TMEM26: variants seen among roughly 807,000 people sequenced by gnomAD.
TMEM26 encodes the protein transmembrane protein 26.
In TMEM26, 38 loss-of-function variants were observed where a neutral mutation model predicts 28.8. The ratio of observed to expected loss-of-function variants is 1.32; its 90% CI spans 1.02 to 1.73. The LOEUF is 1.73. Among genes scored for constraint, TMEM26 ranks in the 40% most tolerant of loss-of-function variants. The pLI is 0.00. For missense variants in TMEM26, 518 were observed against 447.1 expected, an observed-to-expected ratio of 1.16 and a Z score of -1.43; for synonymous variants, 227 against 182.9, an observed-to-expected ratio of 1.24 and a Z score of -1.95.
At chr10:61,439,406 CTTACTAAGCAAATGCTTAAATATT>C (rs1452915103) in intron 1 of TMEM26, among the ~76,000 whole-genome samples, 1 of 152,164 alleles carries the variant, frequency 6.6e-6, no homozygotes, top group African/African-American at 2.4e-5. Context: ...CAAATTAATG[CTTACTAAGCAAATGCTTAAATATT>C]TGAATGCCCG....
chr10:61,440,505 T>C (rs1398079086), intron 1 of TMEM26, among the ~76,000 whole-genome samples: 14 of 108,374 alleles, frequency 1.3e-4, no homozygotes, highest in African/African-American at 1.8e-4. Flanking sequence ...GTGTTCTTCT[T>C]CCAGTTCTCA....
Position 61,422,736 on chromosome 10 carries a change from CA to C in TMEM26, c.605+6189del, listed in dbSNP as rs76356827. 6.5e-3 allele frequency among the ~76,000 whole-genome samples: 994 copies of C among 151,850 alleles called. 31 individuals are homozygous for C. Among genetic ancestry groups the C allele is most frequent in the East Asian group, 0.063 (324 of 5,168 alleles). On this transcript the variant is annotated intron_variant, in intron 4 of 5. Transcript: ENST00000399298. ...TATAATAGAAAATATGAAAGGTCAGCAATCAAAGTTTCCATCTGAAGAAATT... is the reference window on the plus strand; with the variant it reads ...TATAATAGAAAATATGAAAGGTCAGCATCAAAGTTTCCATCTGAAGAAATT...
At chr10:61,451,701 C>T (rs899788599) in intron 1 of TMEM26, among the ~76,000 whole-genome samples, 2 of 151,984 alleles carry the variant, frequency 1.3e-5, no homozygotes, top group African/African-American at 4.8e-5. Flanking sequence ...CCATCCTGGT[C>T]GTATTAAATT....
At chr10:61,452,708 C>A in intron 1 of TMEM26, 183 bp downstream of exon 1, 1 of 663,938 alleles carries the variant, frequency 1.5e-6, no homozygotes, top group Non-Finnish European at 2.6e-6. Context: ...CACTGGGACC[C>A]TAGGGTGGCC....
chr10:61,437,855 A>G (rs753639959), intron 1 of TMEM26, among the ~76,000 whole-genome samples: 5 of 152,222 alleles, frequency 3.3e-5, no homozygotes, highest in African/African-American at 9.7e-5. Context: ...AGAACATCTC[A>G]AAGTCAAAAT....
At chr10:61,419,417 A>C (rs759317582) in intron 4 of TMEM26, among the ~76,000 whole-genome samples, 41 of 152,138 alleles carry the variant, frequency 2.7e-4, no homozygotes, top group Non-Finnish European at 5.3e-4. Context: ...ACTAAGTTTG[A>C]TTGGTTAAAG....
At chr10:61,422,214 ATTTCAGTGTTCTAC>A (rs1037179309) in intron 4 of TMEM26, among the ~76,000 whole-genome samples, 11 of 152,266 alleles carry the variant, frequency 7.2e-5, no homozygotes, top group Middle Eastern at 6.8e-3. Context: ...AGAATGAAAG[ATTTCAGTGTTCTAC>A]TTTCAGGAAT....
At chr10:61,450,687 T>C (rs1051762597) in intron 1 of TMEM26, among the ~76,000 whole-genome samples, 2 of 152,074 alleles carry the variant, frequency 1.3e-5, no homozygotes, top group Middle Eastern at 3.2e-3. Context: ...GTAGATACTA[T>C]GCCAGCAAGA....
rs77114531 is a variant in TMEM26 at position 61,411,818 on chromosome 10, C to T, written c.683-1072G>A. On this transcript the variant is annotated intron_variant, in intron 5 of 5. Coordinates refer to ENST00000399298, the MANE Select transcript of TMEM26 (RefSeq NM_178505.8). ...ATTTGGAGTTTTCAAACAAAGAATG[C>T]CTTCGTCTACTGGAGCCTGCAAATA... 5.5e-4 allele frequency among the ~76,000 whole-genome samples: 83 copies of T among 152,278 alleles called. 1 individual carries two copies. The East Asian group carries it at 0.014, about 25-fold the overall frequency.
At chr10:61,430,333 G>A (rs1839900682) in intron 3 of TMEM26, among the ~76,000 whole-genome samples, 2 of 151,856 alleles carry the variant, frequency 1.3e-5, no homozygotes, top group South Asian at 4.2e-4. Flanking sequence ...TTTTAAATAG[G>A]TCATGGTCAG....
intron 4 of TMEM26, among the ~76,000 whole-genome samples, chr10:61,419,658 AT>A (rs1839710931): frequency 6.6e-6 from 1 of 152,130 alleles, no homozygotes; most frequent in Non-Finnish European, 1.5e-5. Context: ...GTAAAAAAAG[AT>A]TGAAGGAAAA....
chr10:61,452,690 C>T (rs1313643868), intron 1 of TMEM26: 3 of 587,844 alleles, frequency 5.1e-6, no homozygotes, highest in South Asian at 2.2e-5. Context: ...CGAGCCTTCC[C>T]AGTGTTGCAC....
At chr10:61,429,237 C>A in intron 3 of TMEM26, 91 bp from the exon 4 acceptor site, 1 of 1,092,424 alleles carries the variant, frequency 9.2e-7, no homozygotes, top group Non-Finnish European at 1.3e-6. Context: ...CAAGAGTTTG[C>A]TTTTGTAGAG....
chr10:61,440,182 G>C (rs776635223), intron 1 of TMEM26, among the ~76,000 whole-genome samples: 1 of 152,062 alleles, frequency 6.6e-6, no homozygotes, highest in African/African-American at 2.4e-5. Flanking sequence ...GGAGGTTGCA[G>C]TGAGCTAAGA....
At chr10:61,428,181 T>A (rs1199148268) in intron 4 of TMEM26, among the ~76,000 whole-genome samples, 1 of 152,120 alleles carries the variant, frequency 6.6e-6, no homozygotes, top group Non-Finnish European at 1.5e-5. Context: ...TTCCAATTTA[T>A]TTTTATGGCA....
intron 4 of TMEM26, among the ~76,000 whole-genome samples, chr10:61,417,185 G>A (rs1839666753): frequency 1.3e-5 from 2 of 151,950 alleles, no homozygotes; most frequent in Admixed American, 1.3e-4. Context: ...TGTGTAATCT[G>A]CCTTCACAAA....
At position 61,441,205 on chromosome 10, in the gene TMEM26, C is replaced by A. The variant is rs559785369; in HGVS notation, c.192-4957G>T. Among the ~76,000 whole-genome samples, 3 of 152,126 alleles carry A rather than the reference C, an allele frequency of 2.0e-5. No individual in the cohort carries two copies. The East Asian group carries it at 5.8e-4, about 29-fold the overall frequency. On this transcript the variant is annotated intron_variant, in intron 1 of 5. Transcript: ENST00000399298. ...CAGAGTATCTGGCATGTGATGAGCT[C>A]GCCACAAACATTTAGTGATTCGATA...
At chr10:61,426,680 A>G (rs908792866) in intron 4 of TMEM26, among the ~76,000 whole-genome samples, 2 of 152,090 alleles carry the variant, frequency 1.3e-5, no homozygotes, top group African/African-American at 4.8e-5. Flanking sequence ...AAAATGTCAT[A>G]ATAATAGGCA....
intron 1 of TMEM26, among the ~76,000 whole-genome samples, chr10:61,451,240 A>G (rs542696905): frequency 6.6e-6 from 1 of 152,302 alleles, no homozygotes; most frequent in Admixed American, 6.5e-5. Flanking sequence ...ACAAAGATGT[A>G]GACGTGAAGG....
Sources: gnomAD v4.1 joint callset for allele counts (sites outside exome capture counted in the v4.1 genomes callset) on GRCh38, gnomAD v4.1.1 for gene constraint, MANE v1.5 for transcripts, NCBI Gene and HGNC (gene_info 2026-07-23, HGNC 2026-07-21) for gene names.